The following AVEN variants were observed in gnomAD, a reference collection of about 807,000 sequenced individuals.
AVEN encodes apoptosis and caspase activation inhibitor.
In AVEN, 41 loss-of-function variants were observed where a neutral mutation model predicts 38.1. The observed-to-expected ratio is 1.08, with a 90% CI of 0.84 to 1.40. The LOEUF (loss-of-function observed/expected upper bound fraction) is 1.40, where lower values mean the gene tolerates loss of function less well. AVEN is among the 40% of genes most tolerant of loss of function. The pLI is 0.00. For missense variants in AVEN, 605 were observed against 438.8 expected (o/e 1.38, Z -3.38); for synonymous variants, 206 against 171.8 (o/e 1.20, Z -1.56).
At chr15:34,070,280 A>G (rs1044776573) in intron 2 of AVEN, among the ~76,000 whole-genome samples, 3 of 152,106 alleles carry the variant, frequency 2.0e-5, no homozygotes, top group Admixed American at 2.0e-4. Flanking sequence ...TGGGATTACA[A>G]TTCAAGATGA....
At chr15:34,035,316 C>T (rs1899064031) in intron 1 of AVEN, among the ~76,000 whole-genome samples, 1 of 152,030 alleles carries the variant, frequency 6.6e-6, no homozygotes, top group African/African-American at 2.4e-5. Context: ...TCTGGTAACA[C>T]CCACAATAAC....
rs746108100 is a variant in AVEN, at chr15:34,063,051, G to A, written n.1508C>T. ...TGACCTTTGGCTTGCACTGGACTAC[G>A]TGGCCAGCAACGCTTCTGTCATGAA... is the stretch of plus-strand genomic sequence containing the variant. On this transcript the variant is annotated non_coding_transcript_exon_variant, in exon 5 of 12. Coordinates refer to the AVEN transcript ENST00000675287. This position sits in a 1 kb window ranked among gnomAD's most constrained non-coding sequence, Gnocchi z 4.1. The A allele has an allele frequency of 9.9e-6, 16 of 1,614,066 alleles. No homozygotes were observed. Among genetic ancestry groups the A allele is most frequent in the South Asian group, 2.2e-5 (2 of 91,080 alleles).
chr15:34,054,743 T>C (rs1394276498), intron 5 of AVEN, among the ~76,000 whole-genome samples: 1 of 152,120 alleles, frequency 6.6e-6, no homozygotes, highest in Non-Finnish European at 1.5e-5. Context: ...TTGGGCTTAA[T>C]ACCTAGGTAA....
chr15:33,945,743 G>A (rs953552326), intron 2 of AVEN, among the ~76,000 whole-genome samples: 5 of 152,002 alleles, frequency 3.3e-5, no homozygotes, highest in Admixed American at 6.6e-5. Flanking sequence ...ACACCACCAC[G>A]CCTGGCTAAT....
the AVEN span, chr15:33,853,122 A>C: frequency 6.5e-7 from 1 of 1,533,994 alleles, no homozygotes; most frequent in Non-Finnish European, 8.8e-7. Context: ...TTCCGTGATC[A>C]CCAAAAAATG....
Position 34,063,890 on chromosome 15 carries a change from G to A in AVEN, n.1127-458C>T. On this transcript the variant is annotated intron_variant and non_coding_transcript_variant, in intron 4 of 11. Transcript: ENST00000675287. This position sits in a 1 kb window ranked among gnomAD's most constrained non-coding sequence, Gnocchi z 4.1. ...TGGTGGTAAAAGCTGACGGGAACCA[G>A]GAGACCAACAATGGCTGTCACAAGG... The A allele has an allele frequency of 6.2e-7, 1 of 1,614,196 alleles. No homozygotes were observed. Among genetic ancestry groups the A allele is most frequent in the South Asian group, 1.1e-5 (1 of 91,086 alleles).
At chr15:34,070,707 G>A (rs184100106) in intron 1 of AVEN, among the ~76,000 whole-genome samples, 1 of 152,258 alleles carries the variant, frequency 6.6e-6, no homozygotes, top group East Asian at 1.9e-4. Context: ...TGAGAGCTAC[G>A]AATACACCAA....
At chr15:34,026,320 C>T (rs1898470362) in intron 1 of AVEN, among the ~76,000 whole-genome samples, 1 of 152,044 alleles carries the variant, frequency 6.6e-6, no homozygotes, top group African/African-American at 2.4e-5. Flanking sequence ...ATTTTTCCTA[C>T]TATGTGACAG....
chr15:33,866,205 AC>A (rs1890454060), downstream of AVEN: 1 of 179,540 alleles, frequency 5.6e-6, no homozygotes, highest in African/African-American at 2.4e-5. Flanking sequence ...CCAGGGCCCC[AC>A]ACAAGAAAGG....
intron 1 of AVEN, among the ~76,000 whole-genome samples, chr15:34,035,000 G>A (rs1899051424): frequency 6.6e-6 from 1 of 152,160 alleles, no homozygotes; most frequent in Non-Finnish European, 1.5e-5. Flanking sequence ...AACAATGAAG[G>A]AGCAAGTCCT....
intron 2 of AVEN, among the ~76,000 whole-genome samples, chr15:33,996,737 C>T (rs894373591): frequency 9.2e-5 from 14 of 152,216 alleles, no homozygotes; most frequent in Non-Finnish European, 1.9e-4. Flanking sequence ...GATAAAACCA[C>T]AAAGATGGGG....
At chr15:33,914,157 A>G (rs1893026162) in intron 2 of AVEN, among the ~76,000 whole-genome samples, 9 of 88,292 alleles carry the variant, frequency 1.0e-4, no homozygotes, top group Admixed American at 8.5e-4. Flanking sequence ...TAAATTTAAT[A>G]TAACCCCCCC....
chr15:33,933,512 CA>C (rs1893931680), intron 2 of AVEN, among the ~76,000 whole-genome samples: 1 of 120,150 alleles, frequency 8.3e-6, no homozygotes. Flanking sequence ...CACACACACA[CA>C]CACACACACA....
At chr15:33,894,297 C>G (rs76401275) in intron 2 of AVEN, among the ~76,000 whole-genome samples, 4,982 of 152,000 alleles carry the variant, frequency 0.033, 163 homozygotes, top group Non-Finnish European at 0.04. Context: ...AGTGCAGAAC[C>G]AGGAAGGAGC....
chr15:33,983,562 C>A (rs1597309869), intron 2 of AVEN, among the ~76,000 whole-genome samples: 1 of 152,042 alleles, frequency 6.6e-6, no homozygotes, highest in South Asian at 2.1e-4. Flanking sequence ...AGAACTAGTT[C>A]CCCTGAACTT....
intron 2 of AVEN, among the ~76,000 whole-genome samples, chr15:33,950,005 T>C (rs1894674029): frequency 6.6e-6 from 1 of 152,168 alleles, no homozygotes; most frequent in African/African-American, 2.4e-5. Context: ...ATGTGATATA[T>C]ATATACCATG....
intron 2 of AVEN, among the ~76,000 whole-genome samples, chr15:33,906,778 A>G (rs1350793791): frequency 6.6e-6 from 1 of 152,210 alleles, no homozygotes; most frequent in East Asian, 1.9e-4. Context: ...ATTTCAGTTT[A>G]GGAAAATGAA....
chr15:33,960,052 A>T (rs1895104702), intron 2 of AVEN, among the ~76,000 whole-genome samples: 1 of 152,140 alleles, frequency 6.6e-6, no homozygotes, highest in Non-Finnish European at 1.5e-5. Flanking sequence ...TTGTCGGATG[A>T]CCCTTCAGAG....
intron 2 of AVEN, among the ~76,000 whole-genome samples, chr15:33,879,296 G>T (rs1482513305): frequency 1.3e-5 from 2 of 150,130 alleles, no homozygotes; most frequent in African/African-American, 2.5e-5. Flanking sequence ...GTAAACTATC[G>T]CAAGGACAAA....
Sources: allele counts gnomAD v4.1 joint callset (sites outside exome capture counted in the v4.1 genomes callset), GRCh38; gene constraint gnomAD v4.1.1; non-coding constraint Gnocchi (gnomAD v3.1); transcripts MANE v1.5; gene names NCBI Gene and HGNC (gene_info 2026-07-23, HGNC 2026-07-21).